The following IQSEC1 variants were observed in gnomAD, a reference collection of about 807,000 sequenced individuals.
IQSEC1 encodes the protein IQ motif and Sec7 domain ArfGEF 1, also known as IQ motif and SEC7 domain-containing protein 1.
In IQSEC1, 31 loss-of-function variants were observed where a neutral mutation model predicts 91.0. That is an observed-to-expected ratio of 0.34 (90% CI 0.26 to 0.46). The LOEUF (loss-of-function observed/expected upper bound fraction) is 0.46, where lower values mean the gene tolerates loss of function less well. Ranked by LOEUF, IQSEC1 falls within the 20% of genes least tolerant of loss-of-function variation. The pLI, the probability that IQSEC1 is intolerant of heterozygous loss-of-function variation, is 1.00. For missense variants in IQSEC1, 1,388 were observed against 1,575.6 expected, an observed-to-expected ratio of 0.88 and a Z score of 2.02; for synonymous variants, 699 against 662.6, an observed-to-expected ratio of 1.05 and a Z score of -0.84.
intron 1 of IQSEC1, among the ~76,000 whole-genome samples, chr3:13,009,766 G>A (rs966752900): frequency 6.6e-6 from 1 of 151,388 alleles, no homozygotes; most frequent in Non-Finnish European, 1.5e-5. Context: ...AGCTGACAGT[G>A]CGTTGAGAGC....
chr3:12,943,609 G>GC (rs1698956579), intron 1 of IQSEC1, among the ~76,000 whole-genome samples: 2 of 152,210 alleles, frequency 1.3e-5, no homozygotes, highest in Admixed American at 1.3e-4. Flanking sequence ...CAGCTGCGGT[G>GC]CCCCCTCCTG....
chr3:13,276,306 T>G (rs1219294232), intron 1 of IQSEC1, among the ~76,000 whole-genome samples: 1 of 151,968 alleles, frequency 6.6e-6, no homozygotes, highest in Non-Finnish European at 1.5e-5. Context: ...GCCAGGATGG[T>G]CTCAATCTCC....
intron 1 of IQSEC1, among the ~76,000 whole-genome samples, chr3:13,180,045 C>T (rs9869480): frequency 0.033 from 4,960 of 152,274 alleles, 265 homozygotes; most frequent in African/African-American, 0.11. Context: ...CGACGAGCAC[C>T]GCACCCTGCT....
intron 1 of IQSEC1, among the ~76,000 whole-genome samples, chr3:13,166,597 G>T (rs1693502096): frequency 6.6e-6 from 1 of 152,196 alleles, no homozygotes; most frequent in Non-Finnish European, 1.5e-5. Context: ...GCAACAATTG[G>T]CCCCTAAAAT....
intron 1 of IQSEC1, among the ~76,000 whole-genome samples, chr3:13,014,098 G>A (rs1488675668): frequency 6.6e-6 from 1 of 152,180 alleles, no homozygotes; most frequent in African/African-American, 2.4e-5. Context: ...TAGCTGAGCT[G>A]GAGGCCAGAG....
chr3:12,949,140 A>G (rs756923689), intron 1 of IQSEC1, among the ~76,000 whole-genome samples: 2 of 152,232 alleles, frequency 1.3e-5, no homozygotes, highest in South Asian at 2.1e-4. Context: ...GGTTGTGAGT[A>G]TAAGACAGAG....
intron 1 of IQSEC1, among the ~76,000 whole-genome samples, chr3:13,254,548 T>C (rs969289819): frequency 6.6e-6 from 1 of 152,184 alleles, no homozygotes; most frequent in African/African-American, 2.4e-5. Flanking sequence ...TAGGCAAGGT[T>C]TCATCACAGC....
At chr3:13,161,981 G>C (rs911572223) in intron 2 of IQSEC1, among the ~76,000 whole-genome samples, 1 of 152,112 alleles carries the variant, frequency 6.6e-6, no homozygotes, top group Non-Finnish European at 1.5e-5. Flanking sequence ...CCGAAATGTC[G>C]TTCCCATCCT....
chr3:13,203,845 T>C (rs985028952), intron 1 of IQSEC1, among the ~76,000 whole-genome samples: 5 of 152,226 alleles, frequency 3.3e-5, no homozygotes, highest in Admixed American at 2.0e-4. Context: ...TCACATTTAC[T>C]GAGCACCTAA....
chr3:13,118,905 A>C (rs561253703), intron 2 of IQSEC1, among the ~76,000 whole-genome samples: 1 of 152,014 alleles, frequency 6.6e-6, no homozygotes, highest in South Asian at 2.1e-4. Context: ...AAACCCCGTC[A>C]CTACTAAAAA....
At chr3:13,091,454 C>T (rs764894964) in intron 2 of IQSEC1, among the ~76,000 whole-genome samples, 33 of 152,260 alleles carry the variant, frequency 2.2e-4, no homozygotes, top group South Asian at 4.1e-4. Flanking sequence ...GACAGTGTTG[C>T]TGGGCCTTTG....
intron 1 of IQSEC1, among the ~76,000 whole-genome samples, chr3:12,969,505 T>G (rs1184690213): frequency 1.3e-5 from 2 of 152,198 alleles, no homozygotes; most frequent in Non-Finnish European, 2.9e-5. Context: ...CTGGCATCTG[T>G]CATGGTTAGG....
chr3:12,952,849 T>G (rs1699647657), intron 1 of IQSEC1, among the ~76,000 whole-genome samples: 1 of 151,982 alleles, frequency 6.6e-6, no homozygotes. Context: ...GAGGAGAAGA[T>G]GGGGAGGTGG....
At chr3:13,197,725 C>A (rs1349988624) in intron 1 of IQSEC1, among the ~76,000 whole-genome samples, 4 of 152,214 alleles carry the variant, frequency 2.6e-5, no homozygotes, top group Non-Finnish European at 5.9e-5. Flanking sequence ...GGGGCATCAA[C>A]ATTGCAAGCT....
At chr3:13,173,034 T>C (rs1175839918) in intron 1 of IQSEC1, among the ~76,000 whole-genome samples, 1 of 152,226 alleles carries the variant, frequency 6.6e-6, no homozygotes, top group African/African-American at 2.4e-5. Context: ...AAAGATTTCC[T>C]TGAAAGGCCA....
chr3:13,190,005 G>C (rs191875130), intron 1 of IQSEC1, among the ~76,000 whole-genome samples: 1 of 152,336 alleles, frequency 6.6e-6, no homozygotes, highest in East Asian at 1.9e-4. Flanking sequence ...TGCCCAAGCA[G>C]CTCATGGCCC....
At chr3:13,204,216 G>A (rs1694298466) in intron 1 of IQSEC1, among the ~76,000 whole-genome samples, 1 of 152,248 alleles carries the variant, frequency 6.6e-6, no homozygotes, top group Non-Finnish European at 1.5e-5. Flanking sequence ...ACACCCGCCC[G>A]CCGCCTCCAC....
chr3:13,202,899 G>A (rs1396040752), intron 1 of IQSEC1, among the ~76,000 whole-genome samples: 5 of 152,272 alleles, frequency 3.3e-5, no homozygotes, highest in Non-Finnish European at 5.9e-5. Flanking sequence ...TGTGCCGGGC[G>A]CCATTCTGAG....
chr3:13,069,480 A>T (rs1052807904), intron 1 of IQSEC1, among the ~76,000 whole-genome samples: 1 of 152,146 alleles, frequency 6.6e-6, no homozygotes, highest in Non-Finnish European at 1.5e-5. Context: ...CGCTTCCTTC[A>T]TGAAGGCCCC....
Sources: allele counts gnomAD v4.1 joint callset (sites outside exome capture counted in the v4.1 genomes callset), GRCh38; gene constraint gnomAD v4.1.1; transcripts MANE v1.5; gene names NCBI Gene and HGNC (gene_info 2026-07-23, HGNC 2026-07-21).